The following MOB3B variants were observed in gnomAD, a reference collection of about 807,000 sequenced individuals.
The protein encoded by MOB3B is MOB kinase activator-like 2B.
Under a neutral mutation model 18.7 loss-of-function variants are expected in MOB3B, and 7 were observed. The ratio of observed to expected loss-of-function variants is 0.37; its 90% CI spans 0.21 to 0.70. The LOEUF (loss-of-function observed/expected upper bound fraction) is 0.70. MOB3B is among the 30% of genes least tolerant of loss of function. The pLI is 0.52. For synonymous variants in MOB3B, 111 were observed against 99.9 expected, an observed-to-expected ratio of 1.11 and a Z score of -0.66; for missense variants, 253 against 281.3, an observed-to-expected ratio of 0.90 and a Z score of 0.72.
Position 27,359,379 on chromosome 9 carries a change from G to GGT in MOB3B, c.419-144_419-143insAC, listed in dbSNP as rs1554645305. On this transcript the variant is annotated intron_variant, in intron 2 of 3. Coordinates refer to ENST00000262244, the MANE Select transcript of MOB3B (RefSeq NM_024761.5). ...GGAGTCATAGGGAGTGTGTGTGTGT[G>GGT]GGGGGGGGGGGTTGGTAGCAAACTA... 7 of 183,898 alleles carry GGT rather than the reference G, an allele frequency of 3.8e-5. No individual in the cohort carries two copies. In the South Asian group the frequency reaches 7.4e-4, roughly 20 times the overall value. The allele number at this position is 183,898 out of a possible 1,614,324, so 11.4% of individuals were successfully genotyped here.
intron 2 of MOB3B, among the ~76,000 whole-genome samples, chr9:27,367,049 G>A (rs904807733): frequency 1.3e-5 from 2 of 152,216 alleles, no homozygotes; most frequent in African/African-American, 4.8e-5. Flanking sequence ...AGCAGGGACG[G>A]TGTCCAGCCT....
chr9:27,466,581 AC>A (rs1232419690), intron 1 of MOB3B, among the ~76,000 whole-genome samples: 3 of 152,122 alleles, frequency 2.0e-5, no homozygotes, highest in African/African-American at 7.2e-5. Context: ...ATAAAAACAT[AC>A]CCAAAACTGG....
intron 1 of MOB3B, among the ~76,000 whole-genome samples, chr9:27,492,231 G>T (rs185385952): frequency 1.3e-5 from 2 of 152,080 alleles, no homozygotes; most frequent in Admixed American, 6.5e-5. Flanking sequence ...GGGGGATTAC[G>T]GAAGAGATTA....
intron 2 of MOB3B, among the ~76,000 whole-genome samples, chr9:27,390,645 TGAGAATATATGTATTG>T (rs1821714881): frequency 6.6e-6 from 1 of 152,050 alleles, no homozygotes; most frequent in African/African-American, 2.4e-5. Flanking sequence ...TTCACCATAG[TGAGAATATATGTATTG>T]GAGTTCAGCA....
intron 2 of MOB3B, among the ~76,000 whole-genome samples, chr9:27,403,182 A>C (rs941558082): frequency 1.3e-5 from 2 of 152,252 alleles, no homozygotes; most frequent in Admixed American, 6.5e-5. Flanking sequence ...ACTAAAGTGA[A>C]GAAAGGAAGA....
At chr9:27,465,717 C>G (rs1222997608) in intron 1 of MOB3B, among the ~76,000 whole-genome samples, 5 of 152,190 alleles carry the variant, frequency 3.3e-5, no homozygotes, top group Admixed American at 1.3e-4. Context: ...GTTTCCAAAC[C>G]TCAATTCTTG....
chr9:27,460,246 TG>T (rs1167767463), intron 1 of MOB3B, among the ~76,000 whole-genome samples: 1 of 152,080 alleles, frequency 6.6e-6, no homozygotes, highest in Non-Finnish European at 1.5e-5. Flanking sequence ...CAATAAAGGG[TG>T]AGGTCTTTGG....
chr9:27,518,257 C>T (rs1410682118), intron 1 of MOB3B, among the ~76,000 whole-genome samples: 1 of 152,186 alleles, frequency 6.6e-6, no homozygotes, highest in Non-Finnish European at 1.5e-5. Flanking sequence ...CATTTCTGTC[C>T]ATCACCCACT....
At chr9:27,400,444 C>T (rs1324572683) in intron 2 of MOB3B, among the ~76,000 whole-genome samples, 1 of 152,092 alleles carries the variant, frequency 6.6e-6, no homozygotes, top group Non-Finnish European at 1.5e-5. Context: ...GGAGGGCCTG[C>T]CTCCCTCCTT....
At chr9:27,504,305 T>C (rs1369314166) in intron 1 of MOB3B, among the ~76,000 whole-genome samples, 1 of 152,232 alleles carries the variant, frequency 6.6e-6, no homozygotes, top group Non-Finnish European at 1.5e-5. Flanking sequence ...CCTCATTTTG[T>C]GTGGTTCTGA....
At chr9:27,392,770 G>C (rs1821744633) in intron 2 of MOB3B, among the ~76,000 whole-genome samples, 1 of 152,196 alleles carries the variant, frequency 6.6e-6, no homozygotes, top group Admixed American at 6.5e-5. Flanking sequence ...CTAGCTGTGT[G>C]ATTTGGGCAT....
intron 1 of MOB3B, among the ~76,000 whole-genome samples, chr9:27,490,222 A>G (rs1403313399): frequency 1.3e-5 from 2 of 152,184 alleles, no homozygotes; most frequent in Middle Eastern, 3.2e-3. Flanking sequence ...CAGTGAGCCA[A>G]CAGGTATAGA....
intron 3 of MOB3B, among the ~76,000 whole-genome samples, chr9:27,344,127 C>T (rs1245746100): frequency 6.6e-6 from 1 of 151,892 alleles, no homozygotes; most frequent in African/African-American, 2.4e-5. Flanking sequence ...CATAGCTATC[C>T]ATTTTAGAAA....
At chr9:27,332,280 TG>T (rs538229444) in intron 3 of MOB3B, among the ~76,000 whole-genome samples, 1 of 152,176 alleles carries the variant, frequency 6.6e-6, no homozygotes, top group Non-Finnish European at 1.5e-5. Flanking sequence ...TGTGAACCAC[TG>T]CACCCAGCTT....
chr9:27,379,095 A>C (rs540638614), intron 2 of MOB3B, among the ~76,000 whole-genome samples: 2 of 152,302 alleles, frequency 1.3e-5, no homozygotes, highest in Admixed American at 6.5e-5. Context: ...GGAGGTGTTC[A>C]AGAAGAAGCC....
intron 1 of MOB3B, among the ~76,000 whole-genome samples, chr9:27,526,838 A>T (rs1014086069): frequency 6.6e-6 from 1 of 152,232 alleles, no homozygotes; most frequent in Non-Finnish European, 1.5e-5. Flanking sequence ...CATCAGTATG[A>T]CAGAAAAGAA....
intron 1 of MOB3B, among the ~76,000 whole-genome samples, chr9:27,463,890 C>A (rs7856833): frequency 0.52 from 79,118 of 151,856 alleles, 21,081 homozygotes; most frequent in African/African-American, 0.63. Context: ...TGGGGATGTC[C>A]AGACTGCAGT....
Position 27,529,790 on chromosome 9 carries a change from C to G in MOB3B, c.-434G>C, listed in dbSNP as rs566863072. The G allele has an allele frequency of 1.0e-6, 1 of 985,344 alleles. No individual in the cohort carries two copies. The highest frequency in any genetic ancestry group is 1.1e-4 in the East Asian group (1 of 8,778). The allele number at this position is 985,344 out of a possible 1,614,324, so 61.0% of individuals were successfully genotyped here. A position where few individuals can be genotyped will look rare whatever the true frequency, so the allele number is the denominator to read the frequency against. On this transcript the variant is annotated 5_prime_UTR_variant, in exon 1 of 4. Transcript: ENST00000262244. ...GCAGCCCCCTCATGCACCCAGCGCG[C>G]CGCGCAGCCGGCCGGGGCTCGACTG...
rs554083260 is a variant in MOB3B, at chr9:27,496,939, A to G, written c.-199+32616T>C. The stretch of plus-strand genomic sequence containing the variant: ...GTTTTCCATTCTTGATCTAAAACAA[A>G]TGTTAATTAAAACGATGGTTAATAT... On this transcript the variant is annotated intron_variant, in intron 1 of 3. Transcript: ENST00000262244. Among the ~76,000 whole-genome samples the G allele has an allele frequency of 4.6e-5, 7 of 152,358 alleles. No homozygotes were observed. The East Asian group carries it at 1.3e-3, about 29-fold the overall frequency.
Sources: gnomAD v4.1 joint callset for allele counts (sites outside exome capture counted in the v4.1 genomes callset) on GRCh38, gnomAD v4.1.1 for gene constraint, MANE v1.5 for transcripts, NCBI Gene and HGNC (gene_info 2026-07-23, HGNC 2026-07-21) for gene names.